EYS: variants seen among roughly 807,000 people sequenced by gnomAD.
The protein encoded by EYS is protein eyes shut homolog.
A neutral mutation model predicts 282.1 loss-of-function variants in EYS; 250 were observed. The ratio of observed to expected loss-of-function variants is 0.89; its 90% CI spans 0.80 to 0.98. The LOEUF (loss-of-function observed/expected upper bound fraction) is 0.98, where lower values mean the gene tolerates loss of function less well. EYS is among the 50% of genes least tolerant of loss of function. The pLI, the probability that EYS is intolerant of heterozygous loss-of-function variation, is 0.00. For synonymous variants in EYS, 1,355 were observed against 1,282.9 expected, an observed-to-expected ratio of 1.06 and a Z score of -1.20; for missense variants, 4,016 against 3,709.0, an observed-to-expected ratio of 1.08 and a Z score of -2.15.
chr6:64,222,730 T>C (rs1766139867), intron 31 of EYS, among the ~76,000 whole-genome samples: 1 of 152,060 alleles, frequency 6.6e-6, no homozygotes, highest in Non-Finnish European at 1.5e-5. Context: ...TAGTGTTTTC[T>C]TTGAAAGACT....
chr6:64,229,739 GCA>G (rs1766362915), intron 31 of EYS, among the ~76,000 whole-genome samples: 1 of 152,030 alleles, frequency 6.6e-6, no homozygotes, highest in Admixed American at 6.6e-5. Context: ...CCACACACAT[GCA>G]CATACATACA....
intron 22 of EYS, among the ~76,000 whole-genome samples, chr6:64,800,217 T>C (rs575806174): frequency 6.0e-4 from 91 of 152,158 alleles, no homozygotes; most frequent in Non-Finnish European, 1.0e-3. Flanking sequence ...CCCTGACCTG[T>C]GGAGATACAG....
chr6:65,382,107 G>T (rs371615140), intron 8 of EYS, among the ~76,000 whole-genome samples: 18 of 151,120 alleles, frequency 1.2e-4, no homozygotes, highest in African/African-American at 4.4e-4. Flanking sequence ...TTACTTTGAT[G>T]CACAGAAGTT....
intron 26 of EYS, among the ~76,000 whole-genome samples, chr6:64,489,935 A>G (rs1349090930): frequency 1.3e-5 from 2 of 150,866 alleles, no homozygotes; most frequent in Non-Finnish European, 3.0e-5. Flanking sequence ...TCACAAATGA[A>G]TAACGTAATG....
chr6:65,615,285 A>G (rs1461822143), intron 2 of EYS, among the ~76,000 whole-genome samples: 1 of 151,974 alleles, frequency 6.6e-6, no homozygotes, highest in Non-Finnish European at 1.5e-5. Context: ...ACTGGCAAGT[A>G]GTGGGTATTA....
chr6:64,924,803 G>C (rs1220450551), intron 15 of EYS, among the ~76,000 whole-genome samples: 1 of 152,098 alleles, frequency 6.6e-6, no homozygotes, highest in East Asian at 1.9e-4. Flanking sequence ...ATCTCCATCT[G>C]AGACCACTGC....
chr6:64,423,465 T>TA (rs1296813298), intron 28 of EYS, among the ~76,000 whole-genome samples: 1 of 152,164 alleles, frequency 6.6e-6, no homozygotes, highest in African/African-American at 2.4e-5. Flanking sequence ...AGACATGTAG[T>TA]AGGTAGTGTT....
At chr6:65,587,815 G>C (rs1032487328) in intron 2 of EYS, among the ~76,000 whole-genome samples, 6 of 152,070 alleles carry the variant, frequency 3.9e-5, no homozygotes, top group Admixed American at 3.9e-4. Flanking sequence ...AAAGTTCAAT[G>C]TAAGTATAAA....
intron 19 of EYS, among the ~76,000 whole-genome samples, chr6:64,881,062 A>T (rs1274305094): frequency 6.6e-6 from 1 of 151,758 alleles, no homozygotes; most frequent in Non-Finnish European, 1.5e-5. Context: ...GAATCAATTC[A>T]GAATTTACTA....
chr6:64,781,592 A>G (rs866238578), intron 22 of EYS, among the ~76,000 whole-genome samples: 1 of 151,926 alleles, frequency 6.6e-6, no homozygotes, highest in African/African-American at 2.4e-5. Context: ...AAAAAAAAAA[A>G]AAAAGAAATG....
intron 15 of EYS, among the ~76,000 whole-genome samples, chr6:64,939,315 T>C (rs1769013033): frequency 6.6e-6 from 1 of 151,722 alleles, no homozygotes; most frequent in African/African-American, 2.4e-5. Flanking sequence ...AAATAATATA[T>C]CAAAAATCTT....
intron 29 of EYS, among the ~76,000 whole-genome samples, chr6:64,385,720 G>A (rs1772887017): frequency 2.0e-5 from 3 of 152,066 alleles, no homozygotes; most frequent in Admixed American, 2.0e-4. Context: ...CAAGCTTCTA[G>A]AAAAATAACC....
At chr6:65,182,996 G>A (rs1316969397) in intron 12 of EYS, among the ~76,000 whole-genome samples, 2 of 151,814 alleles carry the variant, frequency 1.3e-5, no homozygotes, top group African/African-American at 4.8e-5. Flanking sequence ...TCCTCATGTT[G>A]CCCATGCTGG....
chr6:64,953,744 T>C (rs1020507936), intron 14 of EYS, among the ~76,000 whole-genome samples: 1 of 151,812 alleles, frequency 6.6e-6, no homozygotes, highest in Non-Finnish European at 1.5e-5. Context: ...CTGAATTTGA[T>C]TGAACATATT....
chr6:64,072,562 A>C (rs1407703008), intron 32 of EYS, among the ~76,000 whole-genome samples: 1 of 151,872 alleles, frequency 6.6e-6, no homozygotes, highest in Non-Finnish European at 1.5e-5. Flanking sequence ...TTAGAAACAC[A>C]AAACTGCACC....
At chr6:65,573,809 C>T (rs1312249560) in intron 2 of EYS, among the ~76,000 whole-genome samples, 1 of 151,958 alleles carries the variant, frequency 6.6e-6, no homozygotes, top group African/African-American at 2.4e-5. Context: ...CTGCACACAC[C>T]TGCATTCCCA....
chr6:65,336,272 T>C (rs1769986659), intron 10 of EYS, among the ~76,000 whole-genome samples: 1 of 151,760 alleles, frequency 6.6e-6, no homozygotes, highest in African/African-American at 2.4e-5. Context: ...TTGGTAGTCT[T>C]TTGGATGACA....
At chr6:64,080,769 A>C (rs1771938170) in intron 32 of EYS, among the ~76,000 whole-genome samples, 1 of 151,588 alleles carries the variant, frequency 6.6e-6, no homozygotes, top group African/African-American at 2.4e-5. Flanking sequence ...TCAGCTTTCT[A>C]CATATGGCTA....
chr6:65,586,904 C>T (rs190630639), intron 2 of EYS, among the ~76,000 whole-genome samples: 3 of 151,834 alleles, frequency 2.0e-5, no homozygotes, highest in Admixed American at 6.6e-5. Context: ...AATTTCAGTA[C>T]GATTTTTTTT....
Sources: gnomAD v4.1 joint callset for allele counts (sites outside exome capture counted in the v4.1 genomes callset) on GRCh38, gnomAD v4.1.1 for gene constraint, MANE v1.5 for transcripts, NCBI Gene and HGNC (gene_info 2026-07-23, HGNC 2026-07-21) for gene names.